The following EPSTI1 variants were observed in gnomAD, a reference collection of about 807,000 sequenced individuals.
EPSTI1 encodes the protein epithelial stromal interaction 1.
Under a neutral mutation model 49.9 loss-of-function variants are expected in EPSTI1, and 66 were observed. That is an observed-to-expected ratio of 1.32 (90% CI 1.08 to 1.62). The LOEUF is 1.62. Among genes scored for constraint, EPSTI1 ranks in the 40% most tolerant of loss-of-function variants. The probability of loss-of-function intolerance (pLI) is 0.00; values close to 1 mark genes in which losing one functional copy is unlikely to be tolerated. For missense variants in EPSTI1, 394 were observed against 365.5 expected (o/e 1.08, Z -0.64); for synonymous variants, 137 against 130.7 (o/e 1.05, Z -0.33).
intron 8 of EPSTI1, among the ~76,000 whole-genome samples, chr13:42,905,252 G>A (rs1162463332): frequency 2.6e-5 from 4 of 152,136 alleles, no homozygotes; most frequent in Admixed American, 1.3e-4. Context: ...GGAGGGAAAC[G>A]CGGACGGGAG....
At chr13:42,964,841 G>A (rs1176124127) in intron 3 of EPSTI1, among the ~76,000 whole-genome samples, 1 of 152,196 alleles carries the variant, frequency 6.6e-6, no homozygotes, top group African/African-American at 2.4e-5. Context: ...TTACCATTTA[G>A]GGAATTCTCA....
chr13:42,978,526 A>C (rs753010065), intron 1 of EPSTI1, among the ~76,000 whole-genome samples: 1 of 152,238 alleles, frequency 6.6e-6, no homozygotes, highest in Non-Finnish European at 1.5e-5. Context: ...TGCCCTGAGC[A>C]GTTCCCAGCT....
intron 6 of EPSTI1, among the ~76,000 whole-genome samples, chr13:42,942,726 G>A (rs1396743103): frequency 8.1e-6 from 1 of 123,284 alleles, no homozygotes; most frequent in Non-Finnish European, 1.6e-5. Context: ...CTGTCGCCCA[G>A]GCCGGACTGC....
intron 6 of EPSTI1, among the ~76,000 whole-genome samples, chr13:42,929,215 G>A (rs1348428833): frequency 6.6e-6 from 1 of 152,128 alleles, no homozygotes; most frequent in Non-Finnish European, 1.5e-5. Flanking sequence ...TCCACTGTTG[G>A]ATGTAAATAG....
intron 1 of EPSTI1, among the ~76,000 whole-genome samples, chr13:42,985,658 G>A (rs2040064939): frequency 2.6e-5 from 4 of 152,204 alleles, no homozygotes. Context: ...TTGCCTAATA[G>A]AGGAGTTCTG....
rs1049625945 is a variant in EPSTI1 at position 42,922,329 on chromosome 13, A to T, written c.657+4007T>A. On this transcript the variant is annotated intron_variant, in intron 7 of 10. Transcript: ENST00000313624. The surrounding 1 kb of genome is among the most constrained non-coding windows in gnomAD (Gnocchi z 4.8). Reference sequence around the variant, plus strand: ...GACTTTGCAGAAATTAAGGATCTGGAAGTGGAGAGATTAGCCTGGATAGTC... The same window carrying T: ...GACTTTGCAGAAATTAAGGATCTGGTAGTGGAGAGATTAGCCTGGATAGTC... Among the ~76,000 whole-genome samples the T allele has an allele frequency of 6.6e-6, 1 of 152,130 alleles. No homozygotes were observed. Among genetic ancestry groups the T allele is most frequent in the Admixed American group, 6.5e-5 (1 of 15,282 alleles).
intron 8 of EPSTI1, among the ~76,000 whole-genome samples, chr13:42,901,693 T>C (rs1388879006): frequency 6.6e-6 from 1 of 152,234 alleles, no homozygotes; most frequent in Non-Finnish European, 1.5e-5. Context: ...TCCACAATCA[T>C]TTTCAATTCC....
chr13:42,951,834 T>C (rs1250920125), intron 6 of EPSTI1, among the ~76,000 whole-genome samples: 1 of 152,158 alleles, frequency 6.6e-6, no homozygotes, highest in Non-Finnish European at 1.5e-5. Flanking sequence ...CACAAGACAA[T>C]GACATTTGTT....
Position 42,953,547 on chromosome 13 carries a change from GA to G in EPSTI1, c.563+400del, listed in dbSNP as rs757944611. ...TAAATGATTTCTCAATTCTTGTCTA[GA>G]AAAAAACACAAGTGTATAGTGGTCC... On this transcript the variant is annotated intron_variant, in intron 6 of 10. Transcript: ENST00000313624. Among the ~76,000 whole-genome samples the G allele has an allele frequency of 3.9e-5, 6 of 152,062 alleles. No homozygotes were observed. The East Asian group carries it at 9.6e-4, about 24-fold the overall frequency.
At chr13:42,978,648 T>C (rs893750021) in intron 1 of EPSTI1, among the ~76,000 whole-genome samples, 1 of 152,212 alleles carries the variant, frequency 6.6e-6, no homozygotes, top group Non-Finnish European at 1.5e-5. Flanking sequence ...TTTCCATTAT[T>C]TGTATTAGAT....
intron 9 of EPSTI1, among the ~76,000 whole-genome samples, chr13:42,896,684 G>C (rs1377869510): frequency 6.6e-6 from 1 of 151,980 alleles, no homozygotes; most frequent in Non-Finnish European, 1.5e-5. Flanking sequence ...TCTTCCTTTT[G>C]CTTAAAATTC....
chr13:42,974,252 C>A (rs990120807), intron 1 of EPSTI1, among the ~76,000 whole-genome samples: 1 of 152,098 alleles, frequency 6.6e-6, no homozygotes, highest in Non-Finnish European at 1.5e-5. Flanking sequence ...AGGAGAATCG[C>A]TTGATCCCAG....
At position 42,901,372 on chromosome 13, in the gene EPSTI1, TAA is replaced by T. The variant is rs1221306754; in HGVS notation, c.742-991_742-990del. 2.6e-5 allele frequency among the ~76,000 whole-genome samples: 4 copies of T among 152,166 alleles called. No homozygotes were observed. The East Asian group carries it at 5.8e-4, about 22-fold the overall frequency. The stretch of plus-strand genomic sequence containing the variant: ...TCTAATATTCCACAGTCCCCCAAAA[TAA>T]AAAGACTTATTTCTTATACTGTGAT... On this transcript the variant is annotated intron_variant, in intron 8 of 10. Coordinates refer to ENST00000313624, the MANE Select transcript of EPSTI1 (RefSeq NM_033255.5).
At position 42,886,491 on chromosome 13, in the gene EPSTI1, T is replaced by A. The variant is rs2153406141; in HGVS notation, c.*2003A>T. 6.6e-6 allele frequency: 1 copy of A among 152,324 alleles called. No individual in the cohort carries two copies. The highest frequency in any genetic ancestry group is 2.1e-4 in the South Asian group (1 of 4,828). 9.4% of individuals were successfully genotyped at this position (152,324 alleles called of 1,614,324 possible). On this transcript the variant is annotated 3_prime_UTR_variant, in exon 11 of 11. Transcript: ENST00000313624. The stretch of plus-strand genomic sequence containing the variant: ...AACATCTTACATTGGAACGATTTTC[T>A]TGTTTTTATTTTCTACAAAAAAAAA...
intron 6 of EPSTI1, among the ~76,000 whole-genome samples, chr13:42,931,319 C>CCT (rs1279875105): frequency 1.3e-5 from 2 of 151,314 alleles, no homozygotes; most frequent in African/African-American, 4.8e-5. Context: ...CATTCTCCTG[C>CCT]CTCAGCCTCC....
intron 8 of EPSTI1, among the ~76,000 whole-genome samples, chr13:42,912,728 ACAT>A (rs1421381881): frequency 6.6e-6 from 1 of 152,192 alleles, no homozygotes; most frequent in Non-Finnish European, 1.5e-5. Context: ...TGGTAAATAA[ACAT>A]ATTCAATATG....
chr13:42,893,401 A>G (rs1342371859), intron 10 of EPSTI1, among the ~76,000 whole-genome samples: 1 of 152,224 alleles, frequency 6.6e-6, no homozygotes, highest in Middle Eastern at 3.2e-3. Context: ...AACAGAGGTG[A>G]AGGTGGGAGC....
chr13:42,888,383 G>A lies in EPSTI1; in HGVS notation c.*111C>T, dbSNP rs1009942194. 6 of 1,614,164 alleles carry A rather than the reference G, an allele frequency of 3.7e-6. No homozygotes were observed. The highest frequency in any genetic ancestry group is 5.1e-6 in the Non-Finnish European group (6 of 1,180,032). On this transcript the variant is annotated 3_prime_UTR_variant, in exon 11 of 11. Coordinates refer to ENST00000313624, the MANE Select transcript of EPSTI1 (RefSeq NM_033255.5). The stretch of plus-strand genomic sequence containing the variant: ...GACTGCACGGTCAAGTGTGTGGGCA[G>A]TTGAAATTAAGGTAAAAACAGTGAG...
intron 10 of EPSTI1, among the ~76,000 whole-genome samples, chr13:42,888,726 G>A (rs2036938521): frequency 6.6e-6 from 1 of 152,192 alleles, no homozygotes; most frequent in Admixed American, 6.5e-5. Flanking sequence ...GGCTTGTCAA[G>A]TGATGTCTTA....
Sources: gnomAD v4.1 joint callset for allele counts (sites outside exome capture counted in the v4.1 genomes callset) on GRCh38, gnomAD v4.1.1 for gene constraint, Gnocchi (gnomAD v3.1) non-coding constraint, MANE v1.5 for transcripts, NCBI Gene and HGNC (gene_info 2026-07-23, HGNC 2026-07-21) for gene names.